Variants in TMEM117 observed in about 807,000 individuals in gnomAD.
The protein encoded by TMEM117 is transmembrane protein 117.
A neutral mutation model predicts 52.4 loss-of-function variants in TMEM117; 27 were observed. The ratio of observed to expected loss-of-function variants is 0.51; its 90% CI spans 0.38 to 0.71. The LOEUF (loss-of-function observed/expected upper bound fraction) is 0.71. Among genes scored for constraint, TMEM117 ranks in the 30% least tolerant of loss-of-function variants. TMEM117 has a pLI of 0.00. For synonymous variants in TMEM117, 215 were observed against 206.3 expected (o/e 1.04, Z -0.36); for missense variants, 556 against 630.5 (o/e 0.88, Z 1.26).
chr12:44,197,449 TATAATATTGGGCTAATATAGTTTG>T (rs1445623090), intron 4 of TMEM117, among the ~76,000 whole-genome samples: 3 of 152,160 alleles, frequency 2.0e-5, no homozygotes, highest in African/African-American at 7.2e-5. Context: ...TGCTCAATCA[TATAATATTGGGCTAATATAGTTTG>T]ATAATTTAGC....
chr12:44,388,132 C>T lies in TMEM117; in HGVS notation c.1005C>T (p.Gly335=), dbSNP rs183776630. ...YKPHEYGQYI[G]PGQKIYTVKD... is the part of the protein sequence containing the mutation. ...CTCATGAATATGGGCAATATATCGG[C>T]CCGGGGCAGAAGATATATACAGTGA... Residue 335 remains glycine, a synonymous_variant, in exon 8 of 8, where the codon GGC becomes GGT. Coordinates refer to ENST00000266534, the MANE Select transcript of TMEM117 (RefSeq NM_032256.3). The T allele has an allele frequency of 1.2e-6, 2 of 1,612,920 alleles. No homozygotes were observed. The highest frequency in any genetic ancestry group is 2.7e-5 in the African/African-American group (2 of 74,796).
intron 3 of TMEM117, among the ~76,000 whole-genome samples, chr12:44,072,699 C>G (rs1374922269): frequency 6.6e-6 from 1 of 152,186 alleles, no homozygotes; most frequent in Admixed American, 6.5e-5. Context: ...AAGTTTGTTT[C>G]TCCATTCCAC....
the TMEM117 span, among the ~76,000 whole-genome samples, chr12:43,807,995 G>A: frequency 3.3e-5 from 5 of 152,176 alleles, no homozygotes; most frequent in East Asian, 1.9e-4. Flanking sequence ...CCTGTGTGAC[G>A]AGCTGAAAAA....
At chr12:44,174,636 T>C (rs1234733984) in intron 4 of TMEM117, among the ~76,000 whole-genome samples, 1 of 152,192 alleles carries the variant, frequency 6.6e-6, no homozygotes, top group Non-Finnish European at 1.5e-5. Context: ...ACATACTGAA[T>C]AGCTATCTCA....
At chr12:44,299,781 C>A (rs370235894) in intron 6 of TMEM117, 42 bp downstream of exon 6, 1 of 1,608,554 alleles carries the variant, frequency 6.2e-7, no homozygotes. Context: ...GCTGCATGCT[C>A]TGTTCCCAGT....
intron 5 of TMEM117, among the ~76,000 whole-genome samples, chr12:44,256,356 T>C (rs950678762): frequency 2.0e-5 from 3 of 151,980 alleles, no homozygotes; most frequent in African/African-American, 7.2e-5. Context: ...TACTATTGAA[T>C]GTGGACCCAA....
At chr12:43,845,017 G>A in intron 2 of TMEM117, 89 bp downstream of exon 2, 2 of 1,469,112 alleles carry the variant, frequency 1.4e-6, no homozygotes, top group Non-Finnish European at 1.8e-6. Flanking sequence ...AAGTGCCAAT[G>A]TAGGAGGCAT....
intron 2 of TMEM117, among the ~76,000 whole-genome samples, chr12:43,865,738 A>C (rs928050594): frequency 6.7e-6 from 1 of 149,520 alleles, no homozygotes; most frequent in Admixed American, 6.6e-5. Flanking sequence ...ATATAGACTC[A>C]TACATACCAA....
At chr12:43,909,595 C>T (rs370690383) in intron 2 of TMEM117, among the ~76,000 whole-genome samples, 296 of 150,322 alleles carry the variant, frequency 2.0e-3, no homozygotes, top group African/African-American at 6.9e-3. Flanking sequence ...ATTGATAGAC[C>T]GCTAGCAAGA....
chr12:44,094,239 C>A (rs965710783), intron 3 of TMEM117, among the ~76,000 whole-genome samples: 1 of 152,096 alleles, frequency 6.6e-6, no homozygotes, highest in Non-Finnish European at 1.5e-5. Context: ...GAATATAGAT[C>A]ATAGTAAGTC....
At chr12:43,998,829 A>T (rs554565198) in intron 3 of TMEM117, among the ~76,000 whole-genome samples, 2 of 152,346 alleles carry the variant, frequency 1.3e-5, no homozygotes, top group South Asian at 4.1e-4. Context: ...GTATCTAACA[A>T]CTCAAATTTA....
chr12:44,284,560 C>A (rs1950616099), intron 5 of TMEM117, among the ~76,000 whole-genome samples: 1 of 152,234 alleles, frequency 6.6e-6, no homozygotes, highest in Admixed American at 6.5e-5. Flanking sequence ...ACAGGATTAA[C>A]ATGCCCATTA....
intron 3 of TMEM117, among the ~76,000 whole-genome samples, chr12:43,965,540 G>C (rs1006447470): frequency 6.6e-6 from 1 of 152,256 alleles, no homozygotes; most frequent in African/African-American, 2.4e-5. Context: ...GTCAAAACAG[G>C]CTTGCTCATA....
chr12:43,947,555 A>G (rs1945153699), intron 3 of TMEM117, among the ~76,000 whole-genome samples: 1 of 152,148 alleles, frequency 6.6e-6, no homozygotes, highest in Non-Finnish European at 1.5e-5. Context: ...AGCACAGGGA[A>G]TGATGGAGCC....
intron 2 of TMEM117, among the ~76,000 whole-genome samples, chr12:43,931,345 A>T (rs1475562714): frequency 1.3e-5 from 2 of 152,228 alleles, no homozygotes; most frequent in Non-Finnish European, 2.9e-5. Context: ...TTATAGGCAT[A>T]CAAAAATATC....
chr12:43,909,983 A>C (rs1006433240), intron 2 of TMEM117, among the ~76,000 whole-genome samples: 1 of 133,604 alleles, frequency 7.5e-6, no homozygotes, highest in Non-Finnish European at 1.6e-5. Context: ...AATCCTCCCT[A>C]ACTCATTTTA....
chr12:44,038,659 GT>G (rs1946750228), intron 3 of TMEM117, among the ~76,000 whole-genome samples: 2 of 152,312 alleles, frequency 1.3e-5, no homozygotes, highest in South Asian at 4.1e-4. Context: ...GGCCACAGAG[GT>G]TTCCAGCTGG....
chr12:44,086,461 CCT>C (rs1307632463), intron 3 of TMEM117, among the ~76,000 whole-genome samples: 5 of 152,094 alleles, frequency 3.3e-5, no homozygotes, highest in Admixed American at 6.5e-5. Context: ...GTGATCCGCC[CCT>C]CTCAGCCGCC....
rs888751846 is a variant in TMEM117 at position 44,310,361 on chromosome 12, G to T, written c.768+10622G>T. On this transcript the variant is annotated intron_variant, in intron 6 of 7. Coordinates refer to ENST00000266534, the MANE Select transcript of TMEM117 (RefSeq NM_032256.3). ...CTGATGATAAGAATCACTGGGGGCA[G>T]GGCACAGTGGCTCACGCCTCTAATC... 5.9e-5 allele frequency among the ~76,000 whole-genome samples: 9 copies of T among 152,344 alleles called. No homozygotes were observed. The South Asian group carries it at 1.9e-3, about 32-fold the overall frequency.
Sources: gnomAD v4.1 joint callset for allele counts (sites outside exome capture counted in the v4.1 genomes callset) on GRCh38, gnomAD v4.1.1 for gene constraint, MANE v1.5 for transcripts, NCBI Gene and HGNC (gene_info 2026-07-23, HGNC 2026-07-21) for gene names.